The following CPT1A variants were observed in gnomAD, a reference collection of about 807,000 sequenced individuals.
The protein encoded by CPT1A is carnitine O-palmitoyltransferase 1, liver isoform.
A neutral mutation model predicts 100.8 loss-of-function variants in CPT1A; 64 were observed. The ratio of observed to expected loss-of-function variants is 0.63; its 90% CI spans 0.52 to 0.78. CPT1A has a LOEUF of 0.78. CPT1A is among the 30% of genes least tolerant of loss of function. The pLI is 0.00. For missense variants in CPT1A, 802 were observed against 1,034.1 expected, an observed-to-expected ratio of 0.78 and a Z score of 3.08; for synonymous variants, 363 against 396.0, an observed-to-expected ratio of 0.92 and a Z score of 0.99.
chr11:68,790,278 C>T (rs2153999201), intron 9 of CPT1A, among the ~76,000 whole-genome samples: 1 of 152,134 alleles, frequency 6.6e-6, no homozygotes, highest in South Asian at 2.1e-4. Flanking sequence ...GCCATGTTGC[C>T]CAGGCTGCTC....
At position 68,764,702 on chromosome 11, in the gene CPT1A, G is replaced by A. The variant is rs1203971533; in HGVS notation, c.1741-1941C>T. Reference sequence around the variant, plus strand: ...GAGAGGAGGCCCCTGAAAGGCAGAAGGTAGCGTCCAGGACCAGGGCCCCTG... The same window carrying A: ...GAGAGGAGGCCCCTGAAAGGCAGAAAGTAGCGTCCAGGACCAGGGCCCCTG... On this transcript the variant is annotated intron_variant, in intron 14 of 18. Transcript: ENST00000265641. Among the ~76,000 whole-genome samples, 4 of 152,344 alleles carry A rather than the reference G, an allele frequency of 2.6e-5. No homozygotes were observed. The South Asian group carries it at 6.2e-4, about 24-fold the overall frequency.
At chr11:68,815,733 A>G (rs759222422) in intron 1 of CPT1A, among the ~76,000 whole-genome samples, 34 of 151,922 alleles carry the variant, frequency 2.2e-4, no homozygotes, top group Non-Finnish European at 4.4e-5. Context: ...GGCCCGTGGT[A>G]CCCCAACCCT....
intron 12 of CPT1A, among the ~76,000 whole-genome samples, chr11:68,780,004 C>T (rs939379700): frequency 2.6e-5 from 4 of 152,054 alleles, no homozygotes; most frequent in Admixed American, 2.6e-4. Flanking sequence ...CTAGGAAATC[C>T]AGCACATAAG....
At position 68,785,359 on chromosome 11, in the gene CPT1A, G is replaced by A. The variant is rs144452076; in HGVS notation, c.968-349C>T. On this transcript the variant is annotated intron_variant, in intron 9 of 18. Coordinates refer to ENST00000265641, the MANE Select transcript of CPT1A (RefSeq NM_001876.4). The stretch of plus-strand genomic sequence containing the variant: ...GAGGATCGTTTGAGGTCAGGAGTTC[G>A]AGACCAGCCTGGTCAACATGGTGAA... 7.6e-3 allele frequency among the ~76,000 whole-genome samples: 1,152 copies of A among 151,988 alleles called. 11 individuals are homozygous for A. The highest frequency in any genetic ancestry group is 0.012 in the Non-Finnish European group (797 of 67,970).
chr11:68,838,582 A>ACAAAAAAAAAAAAAAACAAAAAAAAAC (rs1566394917), intron 1 of CPT1A, among the ~76,000 whole-genome samples: 1 of 145,290 alleles, frequency 6.9e-6, no homozygotes, highest in African/African-American at 2.6e-5. Flanking sequence ...TAAAAAAAAA[A>ACAAAAAAAAAAAAAAACAAAAAAAAAC]AAAAAAAAAC....
intron 2 of CPT1A, among the ~76,000 whole-genome samples, chr11:68,813,833 G>A (rs989933144): frequency 6.6e-6 from 1 of 152,114 alleles, no homozygotes; most frequent in Non-Finnish European, 1.5e-5. Flanking sequence ...TCGGCGAGCC[G>A]AGCTAGTGCC....
In CPT1A at chr11:68,759,620, T is replaced by C. The variant is rs779026559; in HGVS notation, c.2184A>G (p.Gly728=). Residue 728 remains glycine, a synonymous_variant, in exon 18 of 19, where the codon GGA becomes GGG. Coordinates refer to ENST00000265641, the MANE Select transcript of CPT1A (RefSeq NM_001876.4). ...DGYGVSYILV[G]ENLINFHISS... ...AAATGTGGAAATTGATGAGGTTCTC[T>C]CCCACAAGGATGTACGACACACCAT... The C allele has an allele frequency of 1.9e-6, 3 of 1,613,824 alleles. No homozygotes were observed. The highest frequency in any genetic ancestry group is 2.5e-6 in the Non-Finnish European group (3 of 1,179,814).
At chr11:68,765,297 T>C (rs1854761648) in intron 14 of CPT1A, among the ~76,000 whole-genome samples, 1 of 152,208 alleles carries the variant, frequency 6.6e-6, no homozygotes. Context: ...ATGAGAACAG[T>C]CATGCCTTGT....
intron 9 of CPT1A, among the ~76,000 whole-genome samples, chr11:68,787,179 G>A (rs1245668654): frequency 6.6e-6 from 1 of 152,020 alleles, no homozygotes; most frequent in Non-Finnish European, 1.5e-5. Flanking sequence ...ACTCACACCT[G>A]TAAACCCAGC....
At chr11:68,787,316 G>A (rs1054854127) in intron 9 of CPT1A, among the ~76,000 whole-genome samples, 27 of 151,760 alleles carry the variant, frequency 1.8e-4, no homozygotes, top group African/African-American at 6.1e-4. Flanking sequence ...TGTGCCTGTA[G>A]TCCCAGCTAC....
intron 1 of CPT1A, 86 bp from the exon 2 acceptor site, chr11:68,815,573 A>G: frequency 7.5e-7 from 1 of 1,328,918 alleles, no homozygotes; most frequent in Non-Finnish European, 1.1e-6. Context: ...ATTCCTTCTG[A>G]ACTTAAGTTC....
At chr11:68,796,996 A>G (rs1281059763) in intron 6 of CPT1A, 63 bp from the exon 7 acceptor site, 1 of 1,525,584 alleles carries the variant, frequency 6.6e-7, no homozygotes, top group Non-Finnish European at 9.0e-7. Flanking sequence ...GCTCCCTGGC[A>G]GCAGCCCAGA....
intron 9 of CPT1A, among the ~76,000 whole-genome samples, chr11:68,786,570 G>A (rs61887061): frequency 6.6e-6 from 1 of 152,104 alleles, no homozygotes; most frequent in Non-Finnish European, 1.5e-5. Context: ...CGCTCTTATT[G>A]CCCAGGCTGG....
chr11:68,785,039 A>G (rs758675869), intron 9 of CPT1A, 29 bp from the exon 10 acceptor site: 42 of 1,608,490 alleles, frequency 2.6e-5, no homozygotes, highest in Non-Finnish European at 3.4e-5. Context: ...GGAGACACAA[A>G]ACCAAGAGTC....
intron 1 of CPT1A, among the ~76,000 whole-genome samples, chr11:68,826,959 G>C (rs1261530040): frequency 2.6e-5 from 4 of 152,046 alleles, no homozygotes; most frequent in African/African-American, 4.8e-5. Context: ...ACAAGCCCAG[G>C]GCCAAGGGCG....
Position 68,841,222 on chromosome 11 carries a change from G to A in CPT1A, c.-14+553C>T, listed in dbSNP as rs1857152099. Among the ~76,000 whole-genome samples, 1 of 152,088 alleles carries A rather than the reference G, an allele frequency of 6.6e-6. No homozygotes were observed. The highest frequency in any genetic ancestry group is 2.4e-5 in the African/African-American group (1 of 41,450). ...GCCCGTAGGTGACCAACCCACGGGCGGACCCCCAGACCCAATCCTCTCCAG... is the reference window on the plus strand; with the variant it reads ...GCCCGTAGGTGACCAACCCACGGGCAGACCCCCAGACCCAATCCTCTCCAG... On this transcript the variant is annotated intron_variant, in intron 1 of 18. Coordinates refer to ENST00000265641, the MANE Select transcript of CPT1A (RefSeq NM_001876.4). This position sits in a 1 kb window ranked among gnomAD's most constrained non-coding sequence, Gnocchi z 6.3.
chr11:68,829,853 C>T (rs1594376746), intron 1 of CPT1A, among the ~76,000 whole-genome samples: 3 of 151,992 alleles, frequency 2.0e-5, no homozygotes, highest in East Asian at 3.9e-4. Context: ...AACAACACAT[C>T]GTCTGGCATT....
rs1946712659 is a variant in CPT1A at position 68,757,416 on chromosome 11, A to G, written c.*228T>C. ...AGCCGATGCGGAGACATCAGGGGAG[A>G]CTTTATCAGATGTCCCCCAAGGGAG... On this transcript the variant is annotated 3_prime_UTR_variant, in exon 19 of 19. Transcript: ENST00000265641. The G allele has an allele frequency of 1.4e-6, 2 of 1,415,756 alleles. No individual in the cohort carries two copies. The highest frequency in any genetic ancestry group is 5.8e-5 in the Admixed American group (2 of 34,612). The allele number at this position is 1,415,756 out of a possible 1,614,324, so 87.7% of individuals were successfully genotyped here.
At chr11:68,843,442 G>A (rs1391778229), upstream of CPT1A, among the ~76,000 whole-genome samples, 3 of 151,570 alleles carry the variant, frequency 2.0e-5, no homozygotes, top group African/African-American at 7.3e-5. The surrounding 1 kb of genome is among the most constrained non-coding windows in gnomAD (Gnocchi z 4.0). Flanking sequence ...TGATTATCCT[G>A]TAGGATAGAT....
Sources: allele counts gnomAD v4.1 joint callset (sites outside exome capture counted in the v4.1 genomes callset), GRCh38; gene constraint gnomAD v4.1.1; non-coding constraint Gnocchi (gnomAD v3.1); transcripts MANE v1.5; gene names NCBI Gene and HGNC (gene_info 2026-07-23, HGNC 2026-07-21).